Variants in NEGR1 observed in about 807,000 individuals in gnomAD.
NEGR1 encodes IgLON family member 4.
NEGR1 carries 10 observed loss-of-function variants against 40.9 expected under a neutral mutation model. The ratio of observed to expected loss-of-function variants is 0.24; its 90% confidence interval spans 0.15 to 0.42. The LOEUF is 0.42. Among genes scored for constraint, NEGR1 ranks in the 10% least tolerant of loss-of-function variants. The probability of loss-of-function intolerance (pLI) is 1.00; values close to 1 mark genes in which losing one functional copy is unlikely to be tolerated. For synonymous variants in NEGR1, 185 were observed against 166.8 expected, an observed-to-expected ratio of 1.11 and a Z score of -0.84; for missense variants, 352 against 438.9, an observed-to-expected ratio of 0.80 and a Z score of 1.77.
chr1:71,847,069 A>G (rs1018568604), intron 2 of NEGR1, among the ~76,000 whole-genome samples: 6 of 151,922 alleles, frequency 3.9e-5, no homozygotes, highest in African/African-American at 1.5e-4. Context: ...TCTGTATACC[A>G]CTCCAATCAA....
intron 6 of NEGR1, among the ~76,000 whole-genome samples, chr1:71,451,693 C>A (rs1198040228): frequency 1.3e-5 from 2 of 152,102 alleles, no homozygotes; most frequent in African/African-American, 4.8e-5. Flanking sequence ...CAGCAATGGA[C>A]AGAGCTCTGT....
At chr1:72,123,621 T>C (rs1649891448) in intron 1 of NEGR1, among the ~76,000 whole-genome samples, 5 of 151,746 alleles carry the variant, frequency 3.3e-5, no homozygotes, top group Admixed American at 3.3e-4. Flanking sequence ...TTTTAGACAA[T>C]AGAAAAGCTC....
intron 2 of NEGR1, among the ~76,000 whole-genome samples, chr1:71,795,560 A>G (rs974474136): frequency 6.6e-6 from 1 of 152,134 alleles, no homozygotes; most frequent in African/African-American, 2.4e-5. Flanking sequence ...ACTAGAGAAA[A>G]TCTCATATAT....
chr1:71,866,524 A>C (rs1660118546), intron 2 of NEGR1, among the ~76,000 whole-genome samples: 1 of 152,212 alleles, frequency 6.6e-6, no homozygotes, highest in Non-Finnish European at 1.5e-5. Flanking sequence ...ATAATGACGT[A>C]AATATCTGAC....
intron 1 of NEGR1, among the ~76,000 whole-genome samples, chr1:72,000,641 A>C (rs1646549018): frequency 1.3e-5 from 2 of 152,180 alleles, no homozygotes; most frequent in Non-Finnish European, 2.9e-5. Flanking sequence ...TTGTAAATGC[A>C]GTTTATTAAT....
intron 3 of NEGR1, among the ~76,000 whole-genome samples, chr1:71,707,734 A>G (rs563876776): frequency 6.6e-6 from 1 of 152,174 alleles, no homozygotes; most frequent in African/African-American, 2.4e-5. Flanking sequence ...ACCTTATGCA[A>G]TCATAGTGGT....
intron 6 of NEGR1, among the ~76,000 whole-genome samples, chr1:71,581,538 C>T (rs2101505746): frequency 6.6e-6 from 1 of 152,244 alleles, no homozygotes; most frequent in East Asian, 1.9e-4. Context: ...TGTGGAACAT[C>T]ATGCATGTCA....
chr1:71,687,718 A>G (rs1290448838), intron 4 of NEGR1, among the ~76,000 whole-genome samples: 1 of 152,216 alleles, frequency 6.6e-6, no homozygotes, highest in Non-Finnish European at 1.5e-5. Flanking sequence ...TTTCATACAC[A>G]GTGATCCTCT....
chr1:71,915,781 A>C (rs1210863737), intron 2 of NEGR1, among the ~76,000 whole-genome samples: 1 of 152,202 alleles, frequency 6.6e-6, no homozygotes, highest in Admixed American at 6.5e-5. Flanking sequence ...TCCATTAGTA[A>C]TAATAACATA....
At chr1:71,925,113 C>G (rs1327558568) in intron 2 of NEGR1, among the ~76,000 whole-genome samples, 1 of 152,196 alleles carries the variant, frequency 6.6e-6, no homozygotes, top group Non-Finnish European at 1.5e-5. Flanking sequence ...ACCTAGTCAT[C>G]ACGCTCAAGA....
chr1:72,244,189 A>T (rs1654832677), intron 1 of NEGR1, among the ~76,000 whole-genome samples: 1 of 151,798 alleles, frequency 6.6e-6, no homozygotes, highest in Non-Finnish European at 1.5e-5. Context: ...GTATTACTGG[A>T]TCTAGGCTGC....
chr1:71,990,760 A>C (rs1646442276), intron 1 of NEGR1, among the ~76,000 whole-genome samples: 1 of 152,022 alleles, frequency 6.6e-6, no homozygotes, highest in African/African-American at 2.4e-5. Context: ...AATACTTCCT[A>C]ATTTTCATCA....
At chr1:71,859,149 T>G (rs1034814893) in intron 2 of NEGR1, among the ~76,000 whole-genome samples, 4 of 152,062 alleles carry the variant, frequency 2.6e-5, no homozygotes, top group African/African-American at 9.7e-5. Context: ...CCTGTATGAC[T>G]TCTTGATACC....
intron 4 of NEGR1, among the ~76,000 whole-genome samples, chr1:71,629,469 T>C (rs1650900464): frequency 6.6e-6 from 1 of 152,020 alleles, no homozygotes; most frequent in African/African-American, 2.4e-5. Flanking sequence ...GTTGTATTCC[T>C]AAGTATTTTA....
At chr1:71,511,787 C>A (rs1161208056) in intron 6 of NEGR1, among the ~76,000 whole-genome samples, 1 of 152,150 alleles carries the variant, frequency 6.6e-6, no homozygotes, top group East Asian at 1.9e-4. Context: ...TAAAGACACA[C>A]AAAGTCAATA....
intron 2 of NEGR1, among the ~76,000 whole-genome samples, chr1:71,905,967 G>A (rs1471239037): frequency 6.6e-6 from 1 of 151,760 alleles, no homozygotes; most frequent in Non-Finnish European, 1.5e-5. Context: ...CTTAAGCTTA[G>A]CCAACCAGAA....
At chr1:71,661,673 A>C (rs957813955) in intron 4 of NEGR1, among the ~76,000 whole-genome samples, 5 of 152,222 alleles carry the variant, frequency 3.3e-5, no homozygotes, top group Non-Finnish European at 5.9e-5. Flanking sequence ...CAGAATGTGA[A>C]AAATGAGAAT....
intron 6 of NEGR1, among the ~76,000 whole-genome samples, chr1:71,431,104 A>G (rs929918523): frequency 1.4e-5 from 2 of 144,638 alleles, no homozygotes; most frequent in African/African-American, 5.2e-5. Context: ...ATGATCATAA[A>G]AAAGGTCAAA....
chr1:71,607,303 T>C (rs1465918839), intron 5 of NEGR1, among the ~76,000 whole-genome samples: 2 of 152,246 alleles, frequency 1.3e-5, no homozygotes, highest in East Asian at 3.8e-4. Flanking sequence ...TGTTTGTACA[T>C]GCAGTTTCTT....
Sources: allele counts gnomAD v4.1 joint callset (sites outside exome capture counted in the v4.1 genomes callset), GRCh38; gene constraint gnomAD v4.1.1; transcripts MANE v1.5; gene names NCBI Gene and HGNC (gene_info 2026-07-23, HGNC 2026-07-21).